Variants in COL20A1 observed in about 807,000 individuals in gnomAD.
COL20A1 encodes collagen alpha-1(XX) chain.
In COL20A1, 164 loss-of-function variants were observed where a neutral mutation model predicts 152.9. The ratio of observed to expected loss-of-function variants is 1.07; its 90% CI spans 0.94 to 1.22. The LOEUF (loss-of-function observed/expected upper bound fraction) is 1.22. COL20A1 is among the 50% of genes most tolerant of loss of function. The pLI is 0.00. For synonymous variants in COL20A1, 864 were observed against 756.0 expected, an observed-to-expected ratio of 1.14 and a Z score of -2.34; for missense variants, 1,873 against 1,744.8, an observed-to-expected ratio of 1.07 and a Z score of -1.31.
intron 30 of COL20A1, 25 bp downstream of exon 30, chr20:63,326,174 C>T (rs951402144): frequency 2.5e-6 from 4 of 1,588,914 alleles, no homozygotes; most frequent in East Asian, 4.5e-5. Flanking sequence ...CCCATGACCC[C>T]GACCCCCACC....
chr20:63,295,689 G>A (rs1272571929), intron 2 of COL20A1, among the ~76,000 whole-genome samples: 2 of 152,224 alleles, frequency 1.3e-5, no homozygotes, highest in Admixed American at 6.5e-5. Context: ...TGGTTGGGGC[G>A]TTTGGGTAAC....
intron 19 of COL20A1, 134 bp downstream of exon 19, chr20:63,314,335 C>CT: frequency 1.4e-6 from 1 of 735,774 alleles, no homozygotes; most frequent in Non-Finnish European, 2.3e-6. Context: ...CCAGGGGTCA[C>CT]AGGCAGGCAG....
In COL20A1 at chr20:63,334,337, G is replaced by C. The variant is rs2068368217; in HGVS notation, c.*3621G>C. The C allele has an allele frequency of 6.6e-6, 1 of 152,276 alleles. No individual in the cohort carries two copies. Among genetic ancestry groups the C allele is most frequent in the Admixed American group, 6.5e-5 (1 of 15,280 alleles). 9.4% of individuals were successfully genotyped at this position (152,276 alleles called of 1,614,324 possible). On this transcript the variant is annotated 3_prime_UTR_variant, in exon 36 of 36. Coordinates refer to ENST00000358894, the MANE Select transcript of COL20A1 (RefSeq NM_020882.4). ...TTGTAACCAAATAATGATGGATGCA[G>C]CGCCACGTCAGAATCTCTGTGCTGC...
intron 20 of COL20A1, among the ~76,000 whole-genome samples, chr20:63,316,288 A>G (rs1437898017): frequency 6.6e-6 from 1 of 151,332 alleles, no homozygotes; most frequent in Non-Finnish European, 1.5e-5. Context: ...GTGATTTACC[A>G]TGGTGGCCTG....
chr20:63,311,918 A>T lies in COL20A1; in HGVS notation c.1666A>T (p.Thr556Ser), dbSNP rs768405723. 1 of 1,548,418 alleles carries T rather than the reference A, an allele frequency of 6.5e-7. No individual in the cohort carries two copies. Among genetic ancestry groups the T allele is most frequent in the African/African-American group, 1.4e-5 (1 of 73,236 alleles). ...TGAGGCTCTGCTGTGCTTTGCAGCC[A>T]CCCTGGCCCCCCCGAGACACCTGGG... The part of the protein sequence containing the change: ...EARGIRARTP[T>S]LAPPRHLGFS... Residue 556 changes from threonine (T) to serine (S), a missense_variant and splice_region_variant, in exon 14 of 36, where the codon ACC (threonine) becomes TCC (serine). Physicochemically the swap from Thr to Ser is moderately conservative, Grantham distance 58. Transcript: ENST00000358894. This position sits in a 1 kb window ranked among gnomAD's most constrained non-coding sequence, Gnocchi z 4.4.
chr20:63,318,204 C>G (rs2068109581), intron 21 of COL20A1, among the ~76,000 whole-genome samples: 1 of 152,186 alleles, frequency 6.6e-6, no homozygotes, highest in Non-Finnish European at 1.5e-5. Context: ...GGGTGGACCC[C>G]CGTGAGGGTT....
At chr20:63,297,441 CCAGCCCGGGGACT>C (rs1163130458) in intron 2 of COL20A1, among the ~76,000 whole-genome samples, 1 of 151,474 alleles carries the variant, frequency 6.6e-6, no homozygotes, top group Non-Finnish European at 1.5e-5. Context: ...CTCAGGGGAC[CCAGCCCGGGGACT>C]CAGCCCAGGG....
chr20:63,322,449 C>T (rs1248476536), intron 27 of COL20A1, among the ~76,000 whole-genome samples: 3 of 152,222 alleles, frequency 2.0e-5, no homozygotes, highest in Non-Finnish European at 4.4e-5. Flanking sequence ...CCCTGAAGGC[C>T]GCCCTTGATT....
At chr20:63,325,287 G>A (rs746500213) in intron 27 of COL20A1, 154 bp from the exon 28 acceptor site, 10 of 720,782 alleles carry the variant, frequency 1.4e-5, no homozygotes, top group South Asian at 6.0e-5. Flanking sequence ...CGGGCCACCC[G>A]GACAGATGGG....
rs2067923166 is a variant in COL20A1 at position 63,306,142 on chromosome 20, A to C, written c.496+103A>C. ...AGGAAGTTCTTCCTCGTGTCTGACC[A>C]CACGGTCTCTGACCACGAGGCCAGG... On this transcript the variant is annotated intron_variant, in intron 5 of 35. Transcript: ENST00000358894. The surrounding 1 kb of genome is among the most constrained non-coding windows in gnomAD (Gnocchi z 6.9). The C allele has an allele frequency of 9.3e-7, 1 of 1,071,138 alleles. No homozygotes were observed. The highest frequency in any genetic ancestry group is 1.6e-5 in the African/African-American group (1 of 62,348). 66.4% of individuals were successfully genotyped at this position (1,071,138 alleles called of 1,614,324 possible). A position where few individuals can be genotyped will look rare whatever the true frequency, so the allele number is the denominator to read the frequency against.
At chr20:63,304,693 C>T (rs925776433) in intron 3 of COL20A1, among the ~76,000 whole-genome samples, 1 of 150,068 alleles carries the variant, frequency 6.7e-6, no homozygotes, top group Non-Finnish European at 1.5e-5. Flanking sequence ...CCCTCCTCTT[C>T]TCCCTGCAGG....
In COL20A1 at chr20:63,295,124, C is replaced by T; in HGVS notation, c.17C>T (p.Pro6Leu). The T allele has an allele frequency of 6.4e-7, 1 of 1,552,338 alleles. No individual in the cohort carries two copies. Among genetic ancestry groups the T allele is most frequent in the Non-Finnish European group, 8.7e-7 (1 of 1,148,024 alleles). The change falls in exon 2 of 36, where the codon CCT becomes CTT. Residue 6 changes from proline (P) to leucine (L), a missense_variant. Transcript: ENST00000358894. Reference sequence around the variant, plus strand: ...CCGAGCACCATGAGCTCCGGAGACCCTGCACACCTCGGCCTCTGCCTCTGG... The same window carrying T: ...CCGAGCACCATGAGCTCCGGAGACCTTGCACACCTCGGCCTCTGCCTCTGG... MSSGD[P>L]AHLGLCLWLW...
intron 3 of COL20A1, among the ~76,000 whole-genome samples, chr20:63,304,457 C>G (rs1601408144): frequency 1.5e-5 from 2 of 136,526 alleles, no homozygotes; most frequent in East Asian, 4.4e-4. Context: ...CCCTTCCTCC[C>G]TCCAGGTGTG....
intron 27 of COL20A1, among the ~76,000 whole-genome samples, chr20:63,323,246 G>C (rs948673784): frequency 2.0e-5 from 3 of 152,200 alleles, no homozygotes; most frequent in Non-Finnish European, 4.4e-5. Flanking sequence ...CTTTTTACTT[G>C]CTGGAACCAG....
chr20:63,311,822 G>A lies in COL20A1; in HGVS notation c.1663+74G>A, dbSNP rs2068011107. Reference sequence around the variant, plus strand: ...TGTTCCTCAGCCTTCCATGGCATGGGAGACCTCAGGCCCCCTCGGTCCCAG... The same window carrying A: ...TGTTCCTCAGCCTTCCATGGCATGGAAGACCTCAGGCCCCCTCGGTCCCAG... On this transcript the variant is annotated intron_variant, in intron 13 of 35. Coordinates refer to ENST00000358894, the MANE Select transcript of COL20A1 (RefSeq NM_020882.4). The surrounding 1 kb of genome is among the most constrained non-coding windows in gnomAD (Gnocchi z 4.4). 2 of 1,529,266 alleles carry A rather than the reference G, an allele frequency of 1.3e-6. No homozygotes were observed. Among genetic ancestry groups the A allele is most frequent in the East Asian group, 4.9e-5 (2 of 41,134 alleles). 94.7% of individuals were successfully genotyped at this position (1,529,266 alleles called of 1,614,324 possible). A position where few individuals can be genotyped will look rare whatever the true frequency, so the allele number is the denominator to read the frequency against.
intron 3 of COL20A1, among the ~76,000 whole-genome samples, chr20:63,301,650 A>T (rs928799662): frequency 1.3e-5 from 2 of 151,976 alleles, no homozygotes; most frequent in Admixed American, 6.6e-5. Flanking sequence ...ACCCTTTTTC[A>T]TTTTGAAATG....
chr20:63,311,171 C>A lies in COL20A1; in HGVS notation c.1394-223C>A, dbSNP rs1417836318. 1.3e-5 allele frequency among the ~76,000 whole-genome samples: 2 copies of A among 152,230 alleles called. No homozygotes were observed. The highest frequency in any genetic ancestry group is 2.9e-5 in the Non-Finnish European group (2 of 68,036). On this transcript the variant is annotated intron_variant, in intron 11 of 35. Transcript: ENST00000358894. The surrounding 1 kb of genome is among the most constrained non-coding windows in gnomAD (Gnocchi z 4.4). The stretch of plus-strand genomic sequence containing the variant: ...CCCGGAGGCCACATTCCTCCCATGA[C>A]CTCAAGGCAGATGGCCTTAGACAAA...
At chr20:63,320,823 CAG>C (rs895973743) in intron 25 of COL20A1, among the ~76,000 whole-genome samples, 188 bp from the exon 26 acceptor site, 10 of 152,130 alleles carry the variant, frequency 6.6e-5, no homozygotes, top group African/African-American at 2.4e-4. Context: ...GCTGGACACA[CAG>C]GGGCTCAGTG....
rs2068086650 is a variant in COL20A1, at chr20:63,316,540, C to T, written c.2525-13C>T. On this transcript the variant is annotated splice_polypyrimidine_tract_variant and intron_variant, in intron 20 of 35. Coordinates refer to ENST00000358894, the MANE Select transcript of COL20A1 (RefSeq NM_020882.4). ...GGGTCCCTCGGTGCCCCTTCCCCCA[C>T]CATCTTCCCCAGGGTTTGACCTGAT... The T allele has an allele frequency of 1.3e-6, 2 of 1,584,218 alleles. No individual in the cohort carries two copies. The highest frequency in any genetic ancestry group is 1.2e-5 in the South Asian group (1 of 86,232).
Sources: gnomAD v4.1 joint callset for allele counts (sites outside exome capture counted in the v4.1 genomes callset) on GRCh38, gnomAD v4.1.1 for gene constraint, Gnocchi (gnomAD v3.1) non-coding constraint, MANE v1.5 for transcripts, NCBI Gene and HGNC (gene_info 2026-07-23, HGNC 2026-07-21) for gene names.